The following LRIF1 variants were observed in gnomAD, a reference collection of about 807,000 sequenced individuals.
LRIF1 encodes the protein ligand-dependent nuclear receptor-interacting factor 1.
LRIF1 carries 32 observed loss-of-function variants against 52.7 expected under a neutral mutation model. That is an observed-to-expected ratio of 0.61 (90% confidence interval 0.46 to 0.82). The LOEUF is 0.82. LRIF1 is among the 40% of genes least tolerant of loss of function. The probability of loss-of-function intolerance (pLI) is 0.00; values close to 1 mark genes in which losing one functional copy is unlikely to be tolerated. For missense variants in LRIF1, 887 were observed against 892.0 expected (o/e 0.99, Z 0.07); for synonymous variants, 323 against 317.4 (o/e 1.02, Z -0.19).
At chr1:110,891,618 T>C in the LRIF1 span, 1 of 669,850 alleles carries the variant, frequency 1.5e-6, no homozygotes, top group Non-Finnish European at 2.7e-6. Flanking sequence ...AAAAGAGTAA[T>C]AATTTTTCCC....
the LRIF1 span, among the ~76,000 whole-genome samples, chr1:110,907,064 A>G: frequency 3.3e-5 from 5 of 152,216 alleles, no homozygotes; most frequent in African/African-American, 1.2e-4. Flanking sequence ...TCAGCATATA[A>G]CAACTCAGTC....
downstream of LRIF1, chr1:110,943,981 T>C (rs1658144285): frequency 6.6e-6 from 1 of 152,192 alleles, no homozygotes; most frequent in Admixed American, 6.5e-5. Context: ...GTGGTTCTTA[T>C]TTTCCATGAA....
chr1:110,891,524 C>T, the LRIF1 span: 3 of 1,361,250 alleles, frequency 2.2e-6, no homozygotes, highest in African/African-American at 1.4e-5. Flanking sequence ...CAGCTAAGCT[C>T]TCCTCATTCC....
At chr1:110,890,437 C>T in the LRIF1 span, among the ~76,000 whole-genome samples, 1 of 152,044 alleles carries the variant, frequency 6.6e-6, no homozygotes, top group African/African-American at 2.4e-5. Flanking sequence ...CATGATGGTG[C>T]ATGCCTTTAG....
At chr1:110,879,481 TA>T in the LRIF1 span, among the ~76,000 whole-genome samples, 2 of 152,182 alleles carry the variant, frequency 1.3e-5, no homozygotes, top group Admixed American at 1.3e-4. Flanking sequence ...AACATAAAAC[TA>T]GGTTTGTAGT....
At chr1:110,963,166 A>C (rs1659034390) in intron 1 of LRIF1, 1 of 152,662 alleles carries the variant, frequency 6.6e-6, no homozygotes, top group Non-Finnish European at 1.5e-5. Context: ...CTCATTCTAA[A>C]GCCCTTTTTC....
the LRIF1 span, among the ~76,000 whole-genome samples, chr1:110,904,007 T>A: frequency 6.6e-6 from 1 of 152,152 alleles, no homozygotes; most frequent in Non-Finnish European, 1.5e-5. Flanking sequence ...CCCTATGGCT[T>A]GTGGTGGTAG....
At chr1:110,893,618 A>T in the LRIF1 span, among the ~76,000 whole-genome samples, 10 of 152,226 alleles carry the variant, frequency 6.6e-5, no homozygotes, top group African/African-American at 2.4e-4. Context: ...CACTGCGCCC[A>T]GTCTGTATGG....
At chr1:110,903,292 G>C in the LRIF1 span, among the ~76,000 whole-genome samples, 2 of 152,144 alleles carry the variant, frequency 1.3e-5, no homozygotes, top group Non-Finnish European at 2.9e-5. Context: ...CACCAGCTGG[G>C]GTGGCTAAGA....
chr1:110,894,071 T>C, the LRIF1 span, among the ~76,000 whole-genome samples: 37 of 152,304 alleles, frequency 2.4e-4, no homozygotes, highest in African/African-American at 8.4e-4. Context: ...GTGGTGTGTA[T>C]GTATTATGCA....
Position 110,952,341 on chromosome 1 carries a change from A to G in LRIF1, c.543T>C (p.Ser181=). The change falls in exon 2 of 4, where the codon TCT becomes TCC. Residue 181 remains serine, a synonymous_variant. Transcript: ENST00000369763. ...PVTVKSPVLP[S]GHHLQIPAHA... ...GGGCTGGAATCTGTAAATGATGCCC[A>G]GAAGGCAAAACTGGAGACTTCACAG... 1 of 1,614,156 alleles carries G rather than the reference A, an allele frequency of 6.2e-7. No homozygotes were observed. Among genetic ancestry groups the G allele is most frequent in the Non-Finnish European group, 8.5e-7 (1 of 1,179,970 alleles).
intron 1 of LRIF1, among the ~76,000 whole-genome samples, chr1:110,956,609 G>A (rs1197367900): frequency 6.6e-6 from 1 of 152,172 alleles, no homozygotes; most frequent in Non-Finnish European, 1.5e-5. Context: ...CGTAGATGCA[G>A]CAATTTCATC....
the LRIF1 span, among the ~76,000 whole-genome samples, chr1:110,898,855 T>C: frequency 6.6e-6 from 1 of 152,158 alleles, no homozygotes; most frequent in East Asian, 1.9e-4. Context: ...ATGACCATCC[T>C]AGCAGCAAGG....
chr1:110,944,718 A>T (rs1213655940), downstream of LRIF1: 3 of 152,190 alleles, frequency 2.0e-5, no homozygotes, highest in East Asian at 3.9e-4. Context: ...TAAAAATTTT[A>T]AAAACAAAAC....
chr1:110,905,640 G>C, the LRIF1 span, among the ~76,000 whole-genome samples: 4 of 152,044 alleles, frequency 2.6e-5, no homozygotes, highest in Admixed American at 1.3e-4. Flanking sequence ...GCTAAAGGGA[G>C]TACTTCAAAC....
At chr1:110,932,804 G>C in the LRIF1 span, among the ~76,000 whole-genome samples, 1 of 152,136 alleles carries the variant, frequency 6.6e-6, no homozygotes. Flanking sequence ...CTTGTCTGCA[G>C]CTACTATTAC....
chr1:110,884,102 C>T, the LRIF1 span, among the ~76,000 whole-genome samples: 63 of 152,132 alleles, frequency 4.1e-4, 1 homozygote, highest in East Asian at 0.01. Context: ...AAGATGCAAT[C>T]TGAAGTCATT....
At chr1:110,891,364 A>G in the LRIF1 span, 2 of 1,449,726 alleles carry the variant, frequency 1.4e-6, no homozygotes, top group South Asian at 1.1e-5. Context: ...GAGTGAGGTA[A>G]CTTACTTTCT....
chr1:110,949,839 T>C lies in LRIF1; in HGVS notation c.1869+12A>G, dbSNP rs1322174883. 1.2e-6 allele frequency: 2 copies of C among 1,609,902 alleles called. No homozygotes were observed. The highest frequency in any genetic ancestry group is 2.2e-5 in the East Asian group (1 of 44,806). On this transcript the variant is annotated intron_variant, in intron 3 of 3. Coordinates refer to ENST00000369763, the MANE Select transcript of LRIF1 (RefSeq NM_018372.4). ...AGTACCTATGAAGAGCACATTAAAA[T>C]GTATTACCTACCTGTTTTCTCTCTC... is the stretch of plus-strand genomic sequence containing the variant.
Sources: allele counts gnomAD v4.1 joint callset (sites outside exome capture counted in the v4.1 genomes callset), GRCh38; gene constraint gnomAD v4.1.1; transcripts MANE v1.5; gene names NCBI Gene and HGNC (gene_info 2026-07-23, HGNC 2026-07-21).